The following AQP7B variants were observed in gnomAD, a reference collection of about 807,000 sequenced individuals.
AQP7B encodes the protein aquaporin 7B.
At chr2:94,592,302 A>C in the AQP7B span, among the ~76,000 whole-genome samples, 1 of 152,144 alleles carries the variant, frequency 6.6e-6, no homozygotes, top group Non-Finnish European at 1.5e-5. Context: ...AGCAGAGGGA[A>C]TGAGAGACGT....
chr2:94,594,518 C>A, the AQP7B span, among the ~76,000 whole-genome samples: 1 of 152,214 alleles, frequency 6.6e-6, no homozygotes, highest in Admixed American at 6.5e-5. Context: ...CTGGTCTAGT[C>A]CCAACTAGAA....
At chr2:94,594,784 G>A in the AQP7B span, 4 of 1,578,560 alleles carry the variant, frequency 2.5e-6, no homozygotes, top group Non-Finnish European at 3.5e-6. Context: ...GTCCGTGATA[G>A]CAAAGATCCA....
At chr2:94,595,445 A>G in the AQP7B span, among the ~76,000 whole-genome samples, 1 of 152,210 alleles carries the variant, frequency 6.6e-6, no homozygotes, top group Non-Finnish European at 1.5e-5. Flanking sequence ...CAAAAAGAAA[A>G]AAAAGAAAAA....
At chr2:94,603,000 G>C in the AQP7B span, 1 of 1,572,866 alleles carries the variant, frequency 6.4e-7, no homozygotes, top group Non-Finnish European at 8.6e-7. Context: ...TGTTTGTTCT[G>C]CTCTCACTCC....
chr2:94,597,856 C>T, the AQP7B span, among the ~76,000 whole-genome samples: 1 of 152,140 alleles, frequency 6.6e-6, no homozygotes, highest in Admixed American at 6.5e-5. Flanking sequence ...CCTCCCACCT[C>T]GGCCTCCCAA....
chr2:94,604,122 A>G, the AQP7B span, among the ~76,000 whole-genome samples: 2 of 152,212 alleles, frequency 1.3e-5, no homozygotes, highest in South Asian at 4.1e-4. Context: ...CTGAGTATCA[A>G]CCCTGTCCCT....
At chr2:94,599,720 A>G in the AQP7B span, among the ~76,000 whole-genome samples, 3 of 151,978 alleles carry the variant, frequency 2.0e-5, no homozygotes, top group Admixed American at 1.3e-4. Context: ...TCAGCGTATA[A>G]ACATACTGAA....
At chr2:94,596,172 G>A in the AQP7B span, among the ~76,000 whole-genome samples, 2 of 152,230 alleles carry the variant, frequency 1.3e-5, no homozygotes, top group African/African-American at 4.8e-5. Flanking sequence ...GAGGCCTTAG[G>A]GTTTGGCAAC....
At chr2:94,592,390 T>C in the AQP7B span, among the ~76,000 whole-genome samples, 3 of 152,190 alleles carry the variant, frequency 2.0e-5, no homozygotes, top group African/African-American at 7.2e-5. Context: ...GTCCTTGCTG[T>C]ATTCCTTACC....
the AQP7B span, chr2:94,604,564 G>A: frequency 6.3e-7 from 1 of 1,589,512 alleles, no homozygotes; most frequent in East Asian, 2.2e-5. Flanking sequence ...TGGCCCTAGA[G>A]CACTTCTAAG....
At chr2:94,602,477 G>A in the AQP7B span, 1 of 1,600,468 alleles carries the variant, frequency 6.2e-7, no homozygotes, top group Admixed American at 1.7e-5. Context: ...CCCCCTTAGA[G>A]GCCCTCCCTT....
chr2:94,592,046 T>TG, the AQP7B span, among the ~76,000 whole-genome samples: 1 of 152,136 alleles, frequency 6.6e-6, no homozygotes, highest in Admixed American at 6.5e-5. Context: ...GGCTGGTTGG[T>TG]GGTTATCTGT....
the AQP7B span, among the ~76,000 whole-genome samples, chr2:94,587,717 G>A: frequency 6.6e-6 from 1 of 152,134 alleles, no homozygotes; most frequent in African/African-American, 2.4e-5. Flanking sequence ...GACCATGGGG[G>A]TGGGACGAAG....
chr2:94,594,279 C>A, the AQP7B span, among the ~76,000 whole-genome samples: 5 of 152,232 alleles, frequency 3.3e-5, no homozygotes, highest in African/African-American at 1.2e-4. Flanking sequence ...ACACCTCATG[C>A]TGTTTGTAGA....
the AQP7B span, among the ~76,000 whole-genome samples, chr2:94,596,412 A>G: frequency 2.6e-5 from 4 of 152,206 alleles, no homozygotes; most frequent in African/African-American, 7.2e-5. Flanking sequence ...AGGCAAAGGC[A>G]GCCAGGTGCA....
chr2:94,600,277 A>G, the AQP7B span, among the ~76,000 whole-genome samples: 8 of 152,316 alleles, frequency 5.3e-5, no homozygotes, highest in South Asian at 6.2e-4. Flanking sequence ...TATCAACTCT[A>G]GAACAGAGTT....
chr2:94,595,493 G>T, the AQP7B span, among the ~76,000 whole-genome samples: 42 of 152,140 alleles, frequency 2.8e-4, 1 homozygote, highest in Non-Finnish European at 5.3e-4. Context: ...TGATGATTGG[G>T]CTCTGATAAT....
At chr2:94,593,730 C>T in the AQP7B span, among the ~76,000 whole-genome samples, 26 of 152,096 alleles carry the variant, frequency 1.7e-4, 1 homozygote, top group South Asian at 1.5e-3. Context: ...AGGTGATCTG[C>T]CCACCTTGGC....
chr2:94,588,484 T>G, the AQP7B span: 12 of 646,962 alleles, frequency 1.9e-5, no homozygotes, highest in East Asian at 3.3e-4. Flanking sequence ...GTGACCTCTC[T>G]TTGGCTCCTC....
Sources: gnomAD v4.1 joint callset for allele counts (sites outside exome capture counted in the v4.1 genomes callset) on GRCh38, gnomAD v4.1.1 for gene constraint, MANE v1.5 for transcripts, NCBI Gene and HGNC (gene_info 2026-07-23, HGNC 2026-07-21) for gene names.